Variants in GRM7 observed in about 807,000 individuals in gnomAD.
GRM7 encodes metabotropic glutamate receptor 7.
A neutral mutation model predicts 84.5 loss-of-function variants in GRM7; 35 were observed. That is an observed-to-expected ratio of 0.41 (90% CI 0.32 to 0.55). The LOEUF (loss-of-function observed/expected upper bound fraction) is 0.55. Among genes scored for constraint, GRM7 ranks in the 20% least tolerant of loss-of-function variants. The pLI is 0.19. For missense variants in GRM7, 1,003 were observed against 1,194.6 expected (o/e 0.84, Z 2.36); for synonymous variants, 487 against 455.1 (o/e 1.07, Z -0.89).
Position 7,739,772 on chromosome 3 carries a change from G to A in GRM7, c.2699-585G>A, listed in dbSNP as rs1415737765. On this transcript the variant is annotated intron_variant, in intron 9 of 9. Transcript: ENST00000357716. ...TTTAGGGAAAACAAATGTAGAGTGT[G>A]TATGTGTCAGACACCTGACAGGTTT... Among the ~76,000 whole-genome samples, 7 of 152,302 alleles carry A rather than the reference G, an allele frequency of 4.6e-5. No homozygotes were observed. In the Middle Eastern group the frequency reaches 0.024, roughly 522 times the overall value.
chr3:6,964,513 A>G (rs1693436836), intron 1 of GRM7, among the ~76,000 whole-genome samples: 1 of 152,118 alleles, frequency 6.6e-6, no homozygotes, highest in African/African-American at 2.4e-5. Flanking sequence ...TCTCAGACAT[A>G]TCCAGTCCCT....
At chr3:7,306,473 T>A (rs1375032017) in intron 3 of GRM7, 25 bp from the exon 4 acceptor site, 1 of 1,606,084 alleles carries the variant, frequency 6.2e-7, no homozygotes, top group Non-Finnish European at 8.5e-7. Flanking sequence ...ATCATTAATA[T>A]AACTTTCCAT....
chr3:7,227,550 G>C (rs1429371789), intron 2 of GRM7, among the ~76,000 whole-genome samples: 1 of 151,986 alleles, frequency 6.6e-6, no homozygotes, highest in Non-Finnish European at 1.5e-5. Flanking sequence ...TTATTCATCT[G>C]CAAAATGGAA....
At chr3:7,243,955 A>G (rs1054351337) in intron 2 of GRM7, among the ~76,000 whole-genome samples, 5 of 152,284 alleles carry the variant, frequency 3.3e-5, no homozygotes, top group Non-Finnish European at 7.4e-5. Context: ...AATATAAAAA[A>G]TAAAAAACAG....
At position 7,129,400 on chromosome 3, in the gene GRM7, A is replaced by G. The variant is rs114752091; in HGVS notation, c.520-17052A>G. On this transcript the variant is annotated intron_variant, in intron 1 of 9. Transcript: ENST00000357716. ...GGCAGATAATGTCCATTCCTTCTAT[A>G]TTCCTTAGTCTTTCTTAGTCGAAGA... 4.2e-3 allele frequency among the ~76,000 whole-genome samples: 647 copies of G among 152,304 alleles called. 5 individuals carry two copies. Among genetic ancestry groups the G allele is most frequent in the African/African-American group, 0.015 (616 of 41,562 alleles).
chr3:7,306,790 C>T (rs1008387496), intron 4 of GRM7, 138 bp downstream of exon 4: 2 of 609,542 alleles, frequency 3.3e-6, no homozygotes, highest in East Asian at 6.1e-5. Flanking sequence ...CCATGAAATG[C>T]AAATGAGGCC....
At chr3:7,199,331 C>T (rs1695986779) in intron 2 of GRM7, among the ~76,000 whole-genome samples, 1 of 152,182 alleles carries the variant, frequency 6.6e-6, no homozygotes, top group African/African-American at 2.4e-5. Context: ...CTTCATGGGC[C>T]TTCCAGCTCA....
intron 8 of GRM7, among the ~76,000 whole-genome samples, chr3:7,645,697 G>C (rs1698604324): frequency 6.6e-6 from 1 of 152,128 alleles, no homozygotes; most frequent in South Asian, 2.1e-4. Context: ...TGCAGTGTTG[G>C]AAGCAGCAGT....
chr3:7,646,191 A>C (rs544586924), intron 8 of GRM7, among the ~76,000 whole-genome samples: 1 of 151,436 alleles, frequency 6.6e-6, no homozygotes, highest in East Asian at 2.0e-4. Flanking sequence ...TATTATTGTT[A>C]TTATTATTAT....
At chr3:7,393,664 C>A (rs984873003) in intron 4 of GRM7, among the ~76,000 whole-genome samples, 2 of 152,172 alleles carry the variant, frequency 1.3e-5, no homozygotes, top group African/African-American at 4.8e-5. Context: ...AGTCAGCCAT[C>A]TTGATTGTCT....
At chr3:7,467,204 C>T (rs1698496316) in intron 7 of GRM7, among the ~76,000 whole-genome samples, 1 of 152,148 alleles carries the variant, frequency 6.6e-6, no homozygotes, top group African/African-American at 2.4e-5. Context: ...TCTCATGCCT[C>T]AGCCTCCTGA....
At chr3:7,257,496 G>GT (rs1278707439) in intron 2 of GRM7, among the ~76,000 whole-genome samples, 1 of 152,150 alleles carries the variant, frequency 6.6e-6, no homozygotes, top group Non-Finnish European at 1.5e-5. Flanking sequence ...GATGGAAGCT[G>GT]TTTTTGCTCT....
chr3:7,695,941 C>A (rs1700998685), intron 9 of GRM7, among the ~76,000 whole-genome samples: 1 of 152,144 alleles, frequency 6.6e-6, no homozygotes, highest in Admixed American at 6.5e-5. Flanking sequence ...TAATCTTAAA[C>A]ATTCGGCTTC....
At chr3:7,656,608 G>C (rs553766112) in intron 8 of GRM7, among the ~76,000 whole-genome samples, 10 of 150,598 alleles carry the variant, frequency 6.6e-5, no homozygotes, top group Admixed American at 3.3e-4. Context: ...AGGAAAAGCA[G>C]GTCGTGTTTT....
At chr3:7,491,750 A>G (rs561691519) in intron 7 of GRM7, among the ~76,000 whole-genome samples, 2 of 152,300 alleles carry the variant, frequency 1.3e-5, no homozygotes, top group Admixed American at 1.3e-4. Context: ...TGTTTTCTTC[A>G]TTTGAAAAGA....
chr3:7,102,284 C>T (rs1048609179), intron 1 of GRM7, among the ~76,000 whole-genome samples: 2 of 138,112 alleles, frequency 1.4e-5, no homozygotes, highest in Non-Finnish European at 3.0e-5. Flanking sequence ...GTTTATTTTG[C>T]CTTCGTATGT....
At chr3:7,573,702 T>A (rs1267848620) in intron 7 of GRM7, among the ~76,000 whole-genome samples, 3 of 152,244 alleles carry the variant, frequency 2.0e-5, no homozygotes, top group Admixed American at 6.5e-5. Context: ...GCTTTTTCTC[T>A]GTTTCTGTCT....
intron 4 of GRM7, among the ~76,000 whole-genome samples, chr3:7,376,516 A>G (rs1270848317): frequency 1.3e-5 from 2 of 152,214 alleles, no homozygotes; most frequent in African/African-American, 4.8e-5. Context: ...GAACACATAT[A>G]TGGAGCCTTC....
chr3:7,187,948 G>C (rs181234476), intron 2 of GRM7, among the ~76,000 whole-genome samples: 1 of 152,238 alleles, frequency 6.6e-6, no homozygotes, highest in African/African-American at 2.4e-5. Context: ...TAGTACTGTA[G>C]CTGGGAGTTG....
Sources: allele counts gnomAD v4.1 joint callset (sites outside exome capture counted in the v4.1 genomes callset), GRCh38; gene constraint gnomAD v4.1.1; transcripts MANE v1.5; gene names NCBI Gene and HGNC (gene_info 2026-07-23, HGNC 2026-07-21).